TMTC4: variants seen among roughly 807,000 people sequenced by gnomAD.
The protein encoded by TMTC4 is protein O-mannosyl-transferase TMTC4.
Under a neutral mutation model 86.0 loss-of-function variants are expected in TMTC4, and 65 were observed. That is an observed-to-expected ratio of 0.76 (90% confidence interval 0.62 to 0.93). The LOEUF (loss-of-function observed/expected upper bound fraction) is 0.93, where lower values mean the gene tolerates loss of function less well. Ranked by LOEUF, TMTC4 falls within the 40% of genes least tolerant of loss-of-function variation. TMTC4 has a pLI of 0.00. For missense variants in TMTC4, 866 were observed against 948.1 expected, an observed-to-expected ratio of 0.91 and a Z score of 1.14; for synonymous variants, 379 against 382.5, an observed-to-expected ratio of 0.99 and a Z score of 0.11.
chr13:100,655,943 T>A (rs1193753994), intron 6 of TMTC4, among the ~76,000 whole-genome samples: 1 of 152,110 alleles, frequency 6.6e-6, no homozygotes, highest in Non-Finnish European at 1.5e-5. Flanking sequence ...CTGGACAGGA[T>A]GGGATGAAGG....
At chr13:100,646,554 A>G (rs1277137874) in intron 6 of TMTC4, among the ~76,000 whole-genome samples, 2 of 151,328 alleles carry the variant, frequency 1.3e-5, no homozygotes, top group Non-Finnish European at 2.9e-5. Flanking sequence ...GTTTCATTAA[A>G]CTCTGGGTTG....
intron 6 of TMTC4, among the ~76,000 whole-genome samples, chr13:100,643,882 G>A (rs1883360980): frequency 1.3e-5 from 2 of 152,136 alleles, no homozygotes; most frequent in African/African-American, 4.8e-5. Context: ...CACAAAATGT[G>A]CCAGACAACT....
At chr13:100,668,507 AAC>A in intron 3 of TMTC4, 70 bp downstream of exon 3, 2 of 1,465,098 alleles carry the variant, frequency 1.4e-6, no homozygotes, top group South Asian at 2.4e-5. Flanking sequence ...AGAACAATGC[AAC>A]ACATACTTAG....
intron 7 of TMTC4, chr13:100,638,809 G>C (rs1205790534): frequency 6.6e-6 from 1 of 152,300 alleles, no homozygotes; most frequent in Non-Finnish European, 1.5e-5. Flanking sequence ...CCTTTGCCAG[G>C]CAGGGCCGTG....
At chr13:100,671,183 G>A (rs1887052479) in intron 1 of TMTC4, among the ~76,000 whole-genome samples, 1 of 152,062 alleles carries the variant, frequency 6.6e-6, no homozygotes, top group Non-Finnish European at 1.5e-5. Context: ...TATATTTTTG[G>A]AGATGGCGTC....
intron 12 of TMTC4, among the ~76,000 whole-genome samples, chr13:100,630,231 C>T (rs1047307579): frequency 2.0e-5 from 3 of 152,148 alleles, no homozygotes; most frequent in South Asian, 2.1e-4. Flanking sequence ...ACAGTTACAG[C>T]ACTTCGTCAA....
At chr13:100,656,548 T>C in intron 5 of TMTC4, 80 bp from the exon 6 acceptor site, 1 of 793,342 alleles carries the variant, frequency 1.3e-6, no homozygotes, top group Non-Finnish European at 1.8e-6. Context: ...ATAACTTTTT[T>C]TTTTTTTTTT....
intron 6 of TMTC4, among the ~76,000 whole-genome samples, chr13:100,649,218 C>G (rs140365268): frequency 6.6e-6 from 1 of 152,146 alleles, no homozygotes; most frequent in Non-Finnish European, 1.5e-5. Context: ...AAAGGCCTTA[C>G]AAAAATTCAA....
chr13:100,646,661 A>G (rs888063718), intron 6 of TMTC4, among the ~76,000 whole-genome samples: 1 of 152,228 alleles, frequency 6.6e-6, no homozygotes, highest in African/African-American at 2.4e-5. Context: ...TTCAGGAGGC[A>G]TGGAGCCCGG....
intron 6 of TMTC4, among the ~76,000 whole-genome samples, chr13:100,654,435 G>A (rs1884828529): frequency 1.3e-5 from 2 of 152,188 alleles, no homozygotes; most frequent in Admixed American, 1.3e-4. Context: ...TATTTCTCAT[G>A]AGTCAAAGTG....
At chr13:100,674,805 A>C (rs1887645093), upstream of TMTC4, 2 of 982,252 alleles carry the variant, frequency 2.0e-6, no homozygotes. Flanking sequence ...TGGCGGCTCC[A>C]GGCACCCGCC....
At chr13:100,637,068 A>T (rs1166497804) in intron 9 of TMTC4, among the ~76,000 whole-genome samples, 1 of 152,196 alleles carries the variant, frequency 6.6e-6, no homozygotes, top group Non-Finnish European at 1.5e-5. Context: ...CAATAACATA[A>T]CAGGCTTCGA....
intron 17 of TMTC4, among the ~76,000 whole-genome samples, chr13:100,609,098 G>A (rs908754029): frequency 2.0e-5 from 3 of 152,120 alleles, no homozygotes; most frequent in African/African-American, 7.2e-5. Flanking sequence ...CACACAGGAA[G>A]AGAGTTATTC....
At chr13:100,615,792 G>A (rs1176361621) in intron 15 of TMTC4, among the ~76,000 whole-genome samples, 1 of 152,200 alleles carries the variant, frequency 6.6e-6, no homozygotes, top group African/African-American at 2.4e-5. Context: ...ACATGTGCAG[G>A]TTTGTTACAT....
At chr13:100,656,539 T>TA in intron 5 of TMTC4, 71 bp from the exon 6 acceptor site, 6 of 788,136 alleles carry the variant, frequency 7.6e-6, no homozygotes, top group Non-Finnish European at 1.1e-5. Flanking sequence ...TTAGGAGACA[T>TA]AACTTTTTTT....
chr13:100,606,407 G>A lies in TMTC4; in HGVS notation c.2085C>T (p.Leu695=), dbSNP rs148530984. 4 of 1,613,136 alleles carry A rather than the reference G, an allele frequency of 2.5e-6. No individual in the cohort carries two copies. The highest frequency in any genetic ancestry group is 1.3e-5 in the African/African-American group (1 of 74,874). ...QKYKESEALF[L]KAIKANPNAA... ...CATTTGGATTTGCTTTAATTGCCTT[G>A]AGGAATAAAGCTTCAGATTCCTAAA... Residue 695 remains leucine, a synonymous_variant, in exon 18 of 19, where the codon CTC becomes CTT. Transcript: ENST00000342624.
At chr13:100,655,398 G>A (rs1181459560) in intron 6 of TMTC4, among the ~76,000 whole-genome samples, 5 of 152,180 alleles carry the variant, frequency 3.3e-5, no homozygotes, top group Non-Finnish European at 1.5e-5. Context: ...TGTAAATTCA[G>A]ATTTAATTGC....
intron 4 of TMTC4, among the ~76,000 whole-genome samples, chr13:100,663,910 GAA>G (rs1886100242): frequency 6.6e-6 from 1 of 152,098 alleles, no homozygotes; most frequent in African/African-American, 2.4e-5. Flanking sequence ...TTTCTGTAGT[GAA>G]AAAAATCAGT....
At chr13:100,624,268 GTGAGCCGAGATCCCGT>G (rs957281468) in intron 15 of TMTC4, 17 of 151,970 alleles carry the variant, frequency 1.1e-4, no homozygotes, top group South Asian at 8.3e-4. Context: ...GGAGCTTGCA[GTGAGCCGAGATCCCGT>G]TGAGCCGAGA....
Sources: allele counts gnomAD v4.1 joint callset (sites outside exome capture counted in the v4.1 genomes callset), GRCh38; gene constraint gnomAD v4.1.1; transcripts MANE v1.5; gene names NCBI Gene and HGNC (gene_info 2026-07-23, HGNC 2026-07-21).